Variants in ADAMTS17 observed in about 807,000 individuals in gnomAD.
The protein encoded by ADAMTS17 is A disintegrin and metalloproteinase with thrombospondin motifs 17.
Under a neutral mutation model 141.5 loss-of-function variants are expected in ADAMTS17, and 113 were observed. The ratio of observed to expected loss-of-function variants is 0.80; its 90% CI spans 0.69 to 0.93. ADAMTS17 has a LOEUF of 0.93. ADAMTS17 is among the 40% of genes least tolerant of loss of function. ADAMTS17 has a pLI of 0.00. For synonymous variants in ADAMTS17, 768 were observed against 630.6 expected (o/e 1.22, Z -3.27); for missense variants, 1,659 against 1,517.9 (o/e 1.09, Z -1.54).
intron 15 of ADAMTS17, among the ~76,000 whole-genome samples, chr15:100,066,014 T>C (rs955862119): frequency 9.2e-5 from 14 of 152,218 alleles, no homozygotes; most frequent in Admixed American, 9.2e-4. Flanking sequence ...CTGAAAATGA[T>C]GGTTTCCAGC....
At chr15:100,274,718 C>G (rs2044022333) in intron 4 of ADAMTS17, among the ~76,000 whole-genome samples, 1 of 152,126 alleles carries the variant, frequency 6.6e-6, no homozygotes, top group Non-Finnish European at 1.5e-5. Flanking sequence ...TTATTTGTTT[C>G]CTATATGGCT....
At chr15:100,105,871 G>C (rs950889964) in intron 14 of ADAMTS17, among the ~76,000 whole-genome samples, 2 of 152,028 alleles carry the variant, frequency 1.3e-5, no homozygotes, top group Non-Finnish European at 2.9e-5. Flanking sequence ...TGTATTTTTA[G>C]TACAGATGGA....
chr15:100,307,716 C>G (rs80103622), intron 3 of ADAMTS17, among the ~76,000 whole-genome samples: 3,450 of 152,252 alleles, frequency 0.023, 138 homozygotes, highest in African/African-American at 0.079. Context: ...ATGAGATAGC[C>G]GATGTCACGT....
intron 15 of ADAMTS17, among the ~76,000 whole-genome samples, chr15:100,058,532 A>G (rs2032838328): frequency 6.6e-6 from 1 of 152,220 alleles, no homozygotes. Flanking sequence ...GGAAGTCAAG[A>G]GTGAAAAGGC....
intron 8 of ADAMTS17, among the ~76,000 whole-genome samples, chr15:100,191,289 G>A (rs2040907648): frequency 1.3e-5 from 2 of 152,222 alleles, no homozygotes; most frequent in African/African-American, 4.8e-5. Context: ...AAACTCTGGG[G>A]GCAGAGGAAG....
At chr15:100,300,163 A>C (rs1268664736) in intron 3 of ADAMTS17, among the ~76,000 whole-genome samples, 1 of 152,134 alleles carries the variant, frequency 6.6e-6, no homozygotes, top group East Asian at 1.9e-4. Flanking sequence ...AGGGCTGTTT[A>C]CAGTCAGGTG....
At chr15:100,185,685 G>T (rs1418827306) in intron 8 of ADAMTS17, among the ~76,000 whole-genome samples, 1 of 152,188 alleles carries the variant, frequency 6.6e-6, no homozygotes, top group East Asian at 1.9e-4. Context: ...GCTGTCGGGG[G>T]CTGCGCAGAG....
chr15:100,303,514 G>A (rs949428432), intron 3 of ADAMTS17, among the ~76,000 whole-genome samples: 112 of 151,914 alleles, frequency 7.4e-4, no homozygotes, highest in Admixed American at 2.6e-4. Context: ...TTTGGGTACC[G>A]TATGTAAGAA....
chr15:100,268,614 GT>G (rs1320420592), intron 4 of ADAMTS17, among the ~76,000 whole-genome samples: 1 of 152,142 alleles, frequency 6.6e-6, no homozygotes, highest in South Asian at 2.1e-4. Context: ...GTCAGTTCAT[GT>G]TTTTTGCACA....
rs191860755 is a variant in ADAMTS17, at chr15:100,022,718, G to A, written c.2592-25129C>T. ...GATTGCTTTGGATAATTCATGTTCT[G>A]AGTAAATTACAGAGAGTCTTGGCAT... On this transcript the variant is annotated intron_variant, in intron 18 of 21. Transcript: ENST00000268070. Among the ~76,000 whole-genome samples, 251 of 152,290 alleles carry A rather than the reference G, an allele frequency of 1.6e-3. 3 individuals carry two copies. Among genetic ancestry groups the A allele is most frequent in the Admixed American group, 5.3e-3 (81 of 15,302 alleles).
intron 20 of ADAMTS17, among the ~76,000 whole-genome samples, chr15:99,985,782 C>G (rs2060573094): frequency 6.6e-6 from 1 of 152,140 alleles, no homozygotes; most frequent in South Asian, 2.1e-4. Context: ...GGTGAGGGTC[C>G]AATGAGATAC....
At chr15:100,162,425 T>C (rs897435040) in intron 8 of ADAMTS17, among the ~76,000 whole-genome samples, 1 of 144,914 alleles carries the variant, frequency 6.9e-6, no homozygotes, top group Admixed American at 7.0e-5. Context: ...TATATAACTA[T>C]ATAGTTATAT....
In ADAMTS17 at chr15:100,131,988, G is replaced by A. The variant is rs754188310; in HGVS notation, c.1721+19C>T. On this transcript the variant is annotated intron_variant, in intron 12 of 21. Coordinates refer to ENST00000268070, the MANE Select transcript of ADAMTS17 (RefSeq NM_139057.4). ...CTCCAATCGTGGCACGTTGGGGTATGGCTGGTCAGGGGACTTACGGGGGGT... is the reference window on the plus strand; with the variant it reads ...CTCCAATCGTGGCACGTTGGGGTATAGCTGGTCAGGGGACTTACGGGGGGT... The A allele has an allele frequency of 6.8e-6, 11 of 1,614,232 alleles. No individual in the cohort carries two copies. The South Asian group carries it at 1.2e-4, about 18-fold the overall frequency.
chr15:100,152,510 G>C (rs2039218245), intron 10 of ADAMTS17, 102 bp downstream of exon 10: 2 of 1,494,638 alleles, frequency 1.3e-6, no homozygotes, highest in Non-Finnish European at 1.8e-6. Flanking sequence ...GTATGTGCCT[G>C]TGCTGAGTGT....
rs4965612 is a variant in ADAMTS17, at chr15:100,261,237, A to G, written c.1031+242T>C. Among the ~76,000 whole-genome samples the G allele has an allele frequency of 0.72, 109,872 of 152,070 alleles. 39,848 individuals are homozygous for G. Among genetic ancestry groups the G allele is most frequent in the East Asian group, 0.94 (4,843 of 5,156 alleles). On this transcript the variant is annotated intron_variant, in intron 6 of 21. Coordinates refer to ENST00000268070, the MANE Select transcript of ADAMTS17 (RefSeq NM_139057.4). ...GTCTGGACAGAGTCACAGGCAGGGA[A>G]AATGCCATGTGACAATGGAGGAGGG...
intron 18 of ADAMTS17, among the ~76,000 whole-genome samples, chr15:100,001,994 C>CAAAAAAAAA (rs71151931): frequency 1.7e-4 from 10 of 58,362 alleles, no homozygotes; most frequent in South Asian, 8.1e-4. Flanking sequence ...AGGCCAAACC[C>CAAAAAAAAA]AAAAAAAAAA....
chr15:100,219,583 C>T (rs1302019063), intron 7 of ADAMTS17, among the ~76,000 whole-genome samples: 2 of 152,182 alleles, frequency 1.3e-5, no homozygotes, highest in Non-Finnish European at 2.9e-5. Flanking sequence ...GTGTTTGATC[C>T]CAGTTCGAGG....
intron 15 of ADAMTS17, among the ~76,000 whole-genome samples, chr15:100,092,262 T>C (rs867555501): frequency 2.0e-5 from 3 of 152,378 alleles, no homozygotes; most frequent in African/African-American, 7.2e-5. Flanking sequence ...GTAATCAGTC[T>C]TCAACGTCAG....
At position 100,075,438 on chromosome 15, in the gene ADAMTS17, T is replaced by C. The variant is rs372024647; in HGVS notation, c.2137+20918A>G. Among the ~76,000 whole-genome samples the C allele has an allele frequency of 4.6e-5, 7 of 152,366 alleles. No homozygotes were observed. The East Asian group carries it at 5.8e-4, about 13-fold the overall frequency. On this transcript the variant is annotated intron_variant, in intron 15 of 21. Coordinates refer to ENST00000268070, the MANE Select transcript of ADAMTS17 (RefSeq NM_139057.4). ...ACTGTTCATTGTCCTTATCCTTGAA[T>C]GTCAATTTGGCTGCTGTAACATGTT...
Sources: gnomAD v4.1 joint callset for allele counts (sites outside exome capture counted in the v4.1 genomes callset) on GRCh38, gnomAD v4.1.1 for gene constraint, MANE v1.5 for transcripts, NCBI Gene and HGNC (gene_info 2026-07-23, HGNC 2026-07-21) for gene names.